Variants in HSPBAP1 observed in about 807,000 individuals in gnomAD.
HSPBAP1 encodes HSPB1 associated protein 1, also known as HSPB1-associated protein 1.
In HSPBAP1, 27 loss-of-function variants were observed where a neutral mutation model predicts 45.2. The observed-to-expected ratio is 0.60, with a 90% CI of 0.44 to 0.82. The LOEUF is 0.82. HSPBAP1 is among the 40% of genes least tolerant of loss of function. HSPBAP1 has a pLI of 0.00. For missense variants in HSPBAP1, 510 were observed against 590.9 expected (o/e 0.86, Z 1.42); for synonymous variants, 204 against 202.7 (o/e 1.01, Z -0.06).
chr3:122,751,680 A>G (rs1934148110), intron 6 of HSPBAP1, among the ~76,000 whole-genome samples: 1 of 152,198 alleles, frequency 6.6e-6, no homozygotes, highest in African/African-American at 2.4e-5. Context: ...GAAGTTCTCC[A>G]TGGATTCTAC....
intron 3 of HSPBAP1, among the ~76,000 whole-genome samples, chr3:122,767,072 TA>T (rs1345500997): frequency 3.9e-5 from 6 of 152,278 alleles, no homozygotes; most frequent in Admixed American, 3.9e-4. Context: ...TAAAGAACCA[TA>T]AAGTGATCAC....
intron 5 of HSPBAP1, 159 bp downstream of exon 5, chr3:122,755,100 GC>G: frequency 8.1e-7 from 1 of 1,227,490 alleles, no homozygotes; most frequent in Non-Finnish European, 1.0e-6. Flanking sequence ...TGTGTCTGAA[GC>G]CTACAACTGG....
rs879687619 is a variant in HSPBAP1 at position 122,775,118 on chromosome 3, GA to G, written c.250+2602del. On this transcript the variant is annotated intron_variant, in intron 2 of 7. Transcript: ENST00000306103. ...TCAAGAGAAGCTGCTCAGAGTAAAA[GA>G]AAAAAAAAAAGCAAGCTGTGAAAAT... Among the ~76,000 whole-genome samples the G allele has an allele frequency of 1.7e-3, 230 of 133,302 alleles. 2 individuals are homozygous for G. The highest frequency in any genetic ancestry group is 5.1e-3 in the African/African-American group (184 of 36,422). The allele number at this position is 133,302 out of a possible 152,430, so 87.5% of individuals were successfully genotyped here. A position where few individuals can be genotyped will look rare whatever the true frequency, so the allele number is the denominator to read the frequency against.
chr3:122,778,523 ATTT>A (rs201863576), intron 1 of HSPBAP1, among the ~76,000 whole-genome samples: 57,233 of 125,934 alleles, frequency 0.45, 11,325 homozygotes, highest in South Asian at 0.53. Context: ...TTTTTTTTTT[ATTT>A]TTTTTTTTTT....
intron 6 of HSPBAP1, 23 bp downstream of exon 6, chr3:122,752,568 A>C: frequency 6.8e-7 from 1 of 1,478,234 alleles, no homozygotes. Context: ...CTTAAAAAAA[A>C]AAAAAAAACA....
chr3:122,762,623 T>C (rs1291275935), intron 3 of HSPBAP1, among the ~76,000 whole-genome samples: 1 of 152,220 alleles, frequency 6.6e-6, no homozygotes, highest in Non-Finnish European at 1.5e-5. Context: ...GATTTACTAT[T>C]TGACTTATGG....
At chr3:122,783,177 G>T (rs1935548074) in intron 1 of HSPBAP1, among the ~76,000 whole-genome samples, 1 of 152,220 alleles carries the variant, frequency 6.6e-6, no homozygotes, top group South Asian at 2.1e-4. Flanking sequence ...ACATGGTAAA[G>T]AGCCTTGTAA....
At chr3:122,777,696 T>C (rs772148605) in intron 2 of HSPBAP1, 25 bp downstream of exon 2, 14 of 1,548,608 alleles carry the variant, frequency 9.0e-6, no homozygotes, top group Non-Finnish European at 1.2e-5. Context: ...AGAGACATTA[T>C]GATGGTGATT....
chr3:122,759,377 T>C lies in HSPBAP1; in HGVS notation c.433-17A>G, dbSNP rs757025655. The C allele has an allele frequency of 3.1e-6, 5 of 1,610,134 alleles. No homozygotes were observed. The East Asian group carries it at 6.7e-5, about 22-fold the overall frequency. ...TTTCACATCCTGTTTTGAAATAAAG[T>C]TGCAATCCATCAAGAACTAACCAAC... On this transcript the variant is annotated splice_polypyrimidine_tract_variant and intron_variant, in intron 3 of 7. Coordinates refer to ENST00000306103, the MANE Select transcript of HSPBAP1 (RefSeq NM_024610.6).
At chr3:122,780,142 C>A (rs1576270911) in intron 1 of HSPBAP1, among the ~76,000 whole-genome samples, 1 of 77,652 alleles carries the variant, frequency 1.3e-5, no homozygotes, top group East Asian at 1.4e-3. Flanking sequence ...GGGAGCTGAC[C>A]CCCCCACCTC....
At chr3:122,775,935 G>C (rs553106471) in intron 2 of HSPBAP1, among the ~76,000 whole-genome samples, 5 of 152,274 alleles carry the variant, frequency 3.3e-5, no homozygotes, top group African/African-American at 4.8e-5. Context: ...TTTGGCAATA[G>C]AAAGAATTGA....
intron 1 of HSPBAP1, among the ~76,000 whole-genome samples, chr3:122,787,992 G>T (rs964089993): frequency 1.3e-5 from 2 of 152,050 alleles, no homozygotes; most frequent in African/African-American, 4.8e-5. Context: ...GGTCTAGAAG[G>T]TGATGTCTAT....
intron 3 of HSPBAP1, among the ~76,000 whole-genome samples, chr3:122,767,863 G>A (rs572944554): frequency 6.6e-6 from 1 of 152,156 alleles, no homozygotes; most frequent in East Asian, 1.9e-4. Context: ...GAGGAGAAGG[G>A]GTGAACAGCC....
intron 6 of HSPBAP1, among the ~76,000 whole-genome samples, chr3:122,747,290 C>T (rs1280759279): frequency 1.8e-4 from 27 of 148,904 alleles, no homozygotes; most frequent in African/African-American, 6.3e-4. Flanking sequence ...ATGTGGGGAG[C>T]GCCTCTGCCC....
chr3:122,778,605 C>A (rs1935279431), intron 1 of HSPBAP1, among the ~76,000 whole-genome samples: 1 of 151,738 alleles, frequency 6.6e-6, no homozygotes, highest in African/African-American at 2.4e-5. Flanking sequence ...TCTCGGCTCA[C>A]TGCAAGCTCC....
At chr3:122,771,191 C>T (rs1474298683) in intron 2 of HSPBAP1, among the ~76,000 whole-genome samples, 2 of 152,220 alleles carry the variant, frequency 1.3e-5, no homozygotes, top group East Asian at 1.9e-4. Context: ...CAGATCTTTT[C>T]ATTTCCATAA....
chr3:122,754,843 A>G (rs1364993805), intron 5 of HSPBAP1: 1 of 988,820 alleles, frequency 1.0e-6, no homozygotes, highest in Non-Finnish European at 1.2e-6. Flanking sequence ...GTTGGCCCAC[A>G]CCTGGAGGCA....
intron 7 of HSPBAP1, 35 bp from the exon 8 acceptor site, chr3:122,740,910 A>T: frequency 1.9e-6 from 3 of 1,610,732 alleles, no homozygotes; most frequent in Non-Finnish European, 2.5e-6. Flanking sequence ...AAATGGTTAC[A>T]TACATTTAGT....
At chr3:122,763,218 T>G (rs965504621) in intron 3 of HSPBAP1, among the ~76,000 whole-genome samples, 19 of 152,314 alleles carry the variant, frequency 1.2e-4, no homozygotes, top group African/African-American at 4.6e-4. Context: ...TTTATGAAAT[T>G]CTAGAACTGC....
Sources: allele counts gnomAD v4.1 joint callset (sites outside exome capture counted in the v4.1 genomes callset), GRCh38; gene constraint gnomAD v4.1.1; transcripts MANE v1.5; gene names NCBI Gene and HGNC (gene_info 2026-07-23, HGNC 2026-07-21).